Variants in ELAVL2 observed in about 807,000 individuals in gnomAD.
ELAVL2 encodes ELAV like RNA binding protein 2, also known as ELAV-like protein 2.
In ELAVL2, 4 loss-of-function variants were observed where a neutral mutation model predicts 34.6. The observed-to-expected ratio is 0.12, with a 90% CI of 0.06 to 0.26. The LOEUF is 0.26. Among genes scored for constraint, ELAVL2 ranks in the 10% least tolerant of loss-of-function variants. ELAVL2 has a pLI of 1.00. For synonymous variants in ELAVL2, 193 were observed against 154.8 expected, an observed-to-expected ratio of 1.25 and a Z score of -1.83; for missense variants, 432 against 442.8, an observed-to-expected ratio of 0.98 and a Z score of 0.22.
At chr9:23,841,970 C>T in the ELAVL2 span, among the ~76,000 whole-genome samples, 60 of 152,250 alleles carry the variant, frequency 3.9e-4, 1 homozygote, top group Middle Eastern at 3.4e-3. Context: ...ATCAACTCAT[C>T]AGATAACAAC....
rs527291920 is a variant in ELAVL2 at position 23,773,478 on chromosome 9, C to T, written c.-15-11229G>A. Among the ~76,000 whole-genome samples, 24 of 152,222 alleles carry T rather than the reference C, an allele frequency of 1.6e-4. No individual in the cohort carries two copies. In the South Asian group the frequency reaches 4.1e-3, roughly 26 times the overall value. On this transcript the variant is annotated intron_variant, in intron 1 of 6. Transcript: ENST00000397312. ...TCAAGTAAAGCACATTTGAAACGAA[C>T]GCTTAAGGATCTCAAAAAGTAGGTG...
intron 1 of ELAVL2, among the ~76,000 whole-genome samples, chr9:23,806,824 C>T (rs746249024): frequency 5.3e-5 from 8 of 152,238 alleles, no homozygotes; most frequent in East Asian, 1.9e-4. Context: ...GTGCCCATTC[C>T]GTAACAGCTC....
chr9:23,750,799 G>C (rs1398548088), intron 2 of ELAVL2, among the ~76,000 whole-genome samples: 1 of 152,142 alleles, frequency 6.6e-6, no homozygotes, highest in East Asian at 1.9e-4. Context: ...GGCTTACTTA[G>C]TACCAGGGTT....
chr9:23,694,925 C>T (rs2034597389), intron 5 of ELAVL2, among the ~76,000 whole-genome samples: 1 of 152,094 alleles, frequency 6.6e-6, no homozygotes, highest in Non-Finnish European at 1.5e-5. Context: ...CACCACTGAG[C>T]ACAAGCCAGG....
intron 2 of ELAVL2, among the ~76,000 whole-genome samples, chr9:23,747,111 G>A (rs1358700315): frequency 6.6e-6 from 1 of 151,950 alleles, no homozygotes; most frequent in African/African-American, 2.4e-5. Flanking sequence ...AAGACCCTCA[G>A]TGGATAACTG....
At chr9:23,815,994 C>T (rs995620110) in intron 1 of ELAVL2, among the ~76,000 whole-genome samples, 12 of 152,154 alleles carry the variant, frequency 7.9e-5, no homozygotes, top group African/African-American at 2.9e-4. Flanking sequence ...TCACCCAGTT[C>T]TCACTAGTAT....
At chr9:23,763,833 G>A (rs1166576225) in intron 1 of ELAVL2, among the ~76,000 whole-genome samples, 1 of 152,036 alleles carries the variant, frequency 6.6e-6, no homozygotes, top group Non-Finnish European at 1.5e-5. Flanking sequence ...TAACCCCTCT[G>A]TGACTTCATT....
rs528117700 is a variant in ELAVL2 at position 23,764,464 on chromosome 9, G to T, written c.-15-2215C>A. ...GCATCTCTCTGCTATAGGACCATCT[G>T]CTCAGAATAAAATGATACTAATGTG... On this transcript the variant is annotated intron_variant, in intron 1 of 6. Coordinates refer to ENST00000397312, the MANE Select transcript of ELAVL2 (RefSeq NM_004432.5). Among the ~76,000 whole-genome samples the T allele has an allele frequency of 5.3e-5, 8 of 152,208 alleles. No homozygotes were observed. The East Asian group carries it at 1.5e-3, about 29-fold the overall frequency.
chr9:23,772,226 AAATT>A (rs2057417415), intron 1 of ELAVL2, among the ~76,000 whole-genome samples: 1 of 152,186 alleles, frequency 6.6e-6, no homozygotes, highest in Admixed American at 6.5e-5. Context: ...GGAAATCCTC[AAATT>A]AATCCCAGTA....
At chr9:23,776,996 G>C (rs949059304) in intron 1 of ELAVL2, among the ~76,000 whole-genome samples, 2 of 152,158 alleles carry the variant, frequency 1.3e-5, no homozygotes, top group African/African-American at 4.8e-5. Context: ...GAATTGCTCA[G>C]AGAGTTTTCC....
intron 2 of ELAVL2, among the ~76,000 whole-genome samples, chr9:23,747,512 C>T (rs1407762296): frequency 6.6e-6 from 1 of 152,080 alleles, no homozygotes; most frequent in East Asian, 1.9e-4. Context: ...CCAGCACACC[C>T]AAAGCTCAGA....
chr9:23,847,956 T>A, the ELAVL2 span, among the ~76,000 whole-genome samples: 1 of 152,006 alleles, frequency 6.6e-6, no homozygotes, highest in Non-Finnish European at 1.5e-5. Flanking sequence ...TCTGATGGCT[T>A]CTTTGAGATT....
intron 4 of ELAVL2, among the ~76,000 whole-genome samples, chr9:23,702,973 A>AAAAAAAAAAAC (rs1563957516): frequency 6.9e-6 from 1 of 145,314 alleles, no homozygotes; most frequent in East Asian, 2.2e-4. Context: ...AAAAAAAAAA[A>AAAAAAAAAAAC]AAAAAAAACA....
intron 3 of ELAVL2, among the ~76,000 whole-genome samples, chr9:23,716,288 C>T (rs1172863647): frequency 6.6e-6 from 1 of 152,072 alleles, no homozygotes; most frequent in East Asian, 1.9e-4. Context: ...ACGTTGTGCA[C>T]ATGTACCCTA....
intron 2 of ELAVL2, among the ~76,000 whole-genome samples, chr9:23,751,803 A>C (rs952892177): frequency 6.6e-6 from 1 of 152,160 alleles, no homozygotes; most frequent in African/African-American, 2.4e-5. Flanking sequence ...AGTCAAGCTA[A>C]TTCATTCTGA....
chr9:23,767,105 C>G (rs886876973), intron 1 of ELAVL2, among the ~76,000 whole-genome samples: 4 of 152,080 alleles, frequency 2.6e-5, no homozygotes, highest in African/African-American at 9.7e-5. Flanking sequence ...CACTGGGCTC[C>G]AAGGTAAAAT....
chr9:23,725,490 A>T (rs2044867479), intron 3 of ELAVL2, among the ~76,000 whole-genome samples: 1 of 152,180 alleles, frequency 6.6e-6, no homozygotes, highest in Admixed American at 6.5e-5. Context: ...GCAAGCCCTT[A>T]GCGTAGCTTT....
chr9:23,704,563 C>T lies in ELAVL2; in HGVS notation c.487+355G>A, dbSNP rs145443976. On this transcript the variant is annotated intron_variant, in intron 4 of 6. Coordinates refer to ENST00000397312, the MANE Select transcript of ELAVL2 (RefSeq NM_004432.5). ...AGCTGCATACCGCTGCATTAAACTT[C>T]GCTTTTTGACAAAAGAAAGGTTGTT... Among the ~76,000 whole-genome samples the T allele has an allele frequency of 3.8e-3, 581 of 152,230 alleles. 16 individuals are homozygous for T. The highest frequency in any genetic ancestry group is 0.035 in the Admixed American group (532 of 15,292).
chr9:23,761,286 T>C (rs1273562442), intron 2 of ELAVL2, among the ~76,000 whole-genome samples: 1 of 152,208 alleles, frequency 6.6e-6, no homozygotes, highest in Admixed American at 6.6e-5. Flanking sequence ...GTATTTTTAG[T>C]GTTTGAAAAC....
Sources: gnomAD v4.1 joint callset for allele counts (sites outside exome capture counted in the v4.1 genomes callset) on GRCh38, gnomAD v4.1.1 for gene constraint, MANE v1.5 for transcripts, NCBI Gene and HGNC (gene_info 2026-07-23, HGNC 2026-07-21) for gene names.